Variants in GRIA3 observed in about 807,000 individuals in gnomAD.
GRIA3 encodes the protein glutamate ionotropic receptor AMPA type subunit 3, also known as glutamate receptor 3.
A neutral mutation model predicts 63.0 loss-of-function variants in GRIA3; 3 were observed. The observed-to-expected ratio is 0.05, with a 90% confidence interval of 0.02 to 0.12. GRIA3 has a LOEUF of 0.12. GRIA3 is among the 10% of genes least tolerant of loss of function. The probability of loss-of-function intolerance (pLI) is 1.00; values close to 1 mark genes in which losing one functional copy is unlikely to be tolerated. For missense variants in GRIA3, 347 were observed against 700.9 expected (o/e 0.50, Z 5.70); for synonymous variants, 274 against 257.9 (o/e 1.06, Z -0.60).
At chrX:123,404,343 A>G (rs1299683221) in intron 9 of GRIA3, among the ~76,000 whole-genome samples, 1 of 110,857 alleles carries the variant, frequency 9.0e-6, no homozygotes. Context: ...ACTACCTGCA[A>G]TTCCTACATA....
chrX:123,383,666 T>C (rs1328652848), intron 5 of GRIA3, among the ~76,000 whole-genome samples: 2 of 112,174 alleles, frequency 1.8e-5, no homozygotes, highest in Non-Finnish European at 3.8e-5. Flanking sequence ...TACCACATTT[T>C]TTGAAGGCCA....
At chrX:123,252,330 C>T (rs1311065699) in intron 2 of GRIA3, among the ~76,000 whole-genome samples, 2 of 112,039 alleles carry the variant, frequency 1.8e-5, no homozygotes, top group Admixed American at 1.9e-4. Context: ...CATGCAGGAC[C>T]CCTTAAATCA....
At chrX:123,360,690 T>C (rs2045165516) in intron 5 of GRIA3, among the ~76,000 whole-genome samples, 1 of 45,420 alleles carries the variant, frequency 2.2e-5, no homozygotes, top group Admixed American at 2.9e-4. Context: ...AGCAAGACTC[T>C]GTCTCAAAAA....
At chrX:123,445,184 G>C in intron 12 of GRIA3, among the ~76,000 whole-genome samples, 1 of 112,147 alleles carries the variant, frequency 8.9e-6, no homozygotes, top group South Asian at 3.8e-4. Context: ...TTGGATATCT[G>C]ATGGATATTT....
intron 3 of GRIA3, among the ~76,000 whole-genome samples, chrX:123,267,218 A>G (rs968041657): frequency 8.9e-6 from 1 of 112,093 alleles, no homozygotes; most frequent in African/African-American, 3.2e-5. Context: ...CTAGCAAAGG[A>G]CATGGCCTTG....
intron 5 of GRIA3, chrX:123,358,374 A>T (rs984538125): frequency 1.8e-5 from 2 of 112,338 alleles, no homozygotes; most frequent in African/African-American, 3.2e-5. Context: ...TCTATCTGGC[A>T]AAGACATCTT....
At chrX:123,206,911 C>G (rs1488680223) in intron 2 of GRIA3, among the ~76,000 whole-genome samples, 1 of 111,910 alleles carries the variant, frequency 8.9e-6, no homozygotes, top group Non-Finnish European at 1.9e-5. Flanking sequence ...CTCTTTCAAT[C>G]CATTTGTTTT....
Position 123,398,778 on chromosome X carries a change from T to C in GRIA3, c.1055T>C (p.Ile352Thr). The C allele has an allele frequency of 8.3e-7, 1 of 1,209,570 alleles. No homozygotes were observed. The highest frequency in any genetic ancestry group is 1.1e-6 in the Non-Finnish European group (1 of 894,140). ...CCTGCTGTGCCCTGGAGTCAAGGAA[T>C]TGATATTGAGAGAGCTCTGAAAATG... The part of the protein sequence containing the change: ...ANPAVPWSQG[I>T]DIERALKMVQ... Residue 352 changes from isoleucine (I) to threonine (T), a missense_variant, in exon 7 of 16, where the codon ATT (isoleucine) becomes ACT (threonine). Around this residue, in one of 8 missense-constraint regions of GRIA3, gnomAD observed 65 missense variants for 145.8 expected, o/e 0.45. Coordinates refer to ENST00000620443, the MANE Select transcript of GRIA3 (RefSeq NM_007325.5).
chrX:123,454,103 T>C (rs751840791), intron 12 of GRIA3, among the ~76,000 whole-genome samples: 147 of 111,226 alleles, frequency 1.3e-3, no homozygotes, highest in Non-Finnish European at 2.2e-3. Context: ...AGAAATATCA[T>C]GCCCCTTGAA....
At chrX:123,331,540 G>A in intron 4 of GRIA3, among the ~76,000 whole-genome samples, 1 of 111,150 alleles carries the variant, frequency 9.0e-6, no homozygotes, top group East Asian at 2.8e-4. Context: ...AAATGTTATA[G>A]CTACATGCTT....
At chrX:123,265,429 T>C in intron 3 of GRIA3, among the ~76,000 whole-genome samples, 1 of 111,990 alleles carries the variant, frequency 8.9e-6, no homozygotes, top group Non-Finnish European at 1.9e-5. Context: ...TACAATAAAG[T>C]GAGCTAGAGA....
intron 12 of GRIA3, among the ~76,000 whole-genome samples, chrX:123,454,757 G>A (rs2045752661): frequency 8.9e-6 from 1 of 111,780 alleles, no homozygotes; most frequent in Non-Finnish European, 1.9e-5. Context: ...ATAGAGCAAT[G>A]GTACCTTAGA....
At chrX:123,196,034 A>G (rs778493927) in intron 2 of GRIA3, among the ~76,000 whole-genome samples, 5 of 111,373 alleles carry the variant, frequency 4.5e-5, no homozygotes, top group Admixed American at 9.6e-5. Flanking sequence ...ATAAGCGCCC[A>G]GCAGATCAGA....
At chrX:123,487,048 C>T (rs942792949) in intron 15 of GRIA3, among the ~76,000 whole-genome samples, 1 of 111,745 alleles carries the variant, frequency 8.9e-6, no homozygotes, top group Non-Finnish European at 1.9e-5. Flanking sequence ...ACATGTGCCT[C>T]GGCCTCAGAT....
At chrX:123,276,834 T>C (rs1020566496) in intron 3 of GRIA3, among the ~76,000 whole-genome samples, 1 of 111,711 alleles carries the variant, frequency 9.0e-6, no homozygotes, top group African/African-American at 3.3e-5. Flanking sequence ...AGCAGTGTAT[T>C]AGAGACAGTA....
intron 3 of GRIA3, among the ~76,000 whole-genome samples, chrX:123,282,613 C>T (rs866782399): frequency 8.9e-4 from 100 of 112,660 alleles, no homozygotes; most frequent in East Asian, 1.4e-3. Flanking sequence ...TTATTAATAA[C>T]GAAAATTACA....
intron 3 of GRIA3, among the ~76,000 whole-genome samples, chrX:123,269,205 T>C (rs2044505944): frequency 8.9e-6 from 1 of 112,112 alleles, no homozygotes; most frequent in Non-Finnish European, 1.9e-5. Context: ...GTATACTCTC[T>C]GGGCCATATT....
chrX:123,412,754 A>G (rs1161170698), intron 10 of GRIA3, among the ~76,000 whole-genome samples: 1 of 111,619 alleles, frequency 9.0e-6, no homozygotes, highest in Non-Finnish European at 1.9e-5. Context: ...CATCTGTAAT[A>G]GGTATTTTTT....
chrX:123,465,233 A>C (rs189029730), intron 13 of GRIA3, 121 bp downstream of exon 13: 1 of 694,745 alleles, frequency 1.4e-6, no homozygotes, highest in East Asian at 3.4e-5. Context: ...AAAATCTACA[A>C]TATTCCATGG....
Sources: allele counts gnomAD v4.1 joint callset (sites outside exome capture counted in the v4.1 genomes callset), GRCh38; gene constraint gnomAD v4.1.1; regional missense constraint gnomAD v4.1.1; transcripts MANE v1.5; gene names NCBI Gene and HGNC (gene_info 2026-07-23, HGNC 2026-07-21).